The following GLRA3 variants were observed in gnomAD, a reference collection of about 807,000 sequenced individuals.
The protein encoded by GLRA3 is glycine receptor subunit alpha-3.
A neutral mutation model predicts 60.4 loss-of-function variants in GLRA3; 44 were observed. The ratio of observed to expected loss-of-function variants is 0.73; its 90% CI spans 0.57 to 0.94. GLRA3 has a LOEUF of 0.94. Among genes scored for constraint, GLRA3 ranks in the 40% least tolerant of loss-of-function variants. The pLI is 0.00. For synonymous variants in GLRA3, 223 were observed against 192.9 expected (o/e 1.16, Z -1.29); for missense variants, 508 against 564.6 (o/e 0.90, Z 1.02).
Position 174,665,394 on chromosome 4 carries a change from C to T in GLRA3, c.928-6197G>A, listed in dbSNP as rs556053519. Among the ~76,000 whole-genome samples, 3 of 152,134 alleles carry T rather than the reference C, an allele frequency of 2.0e-5. No individual in the cohort carries two copies. The East Asian group carries it at 5.8e-4, about 30-fold the overall frequency. The stretch of plus-strand genomic sequence containing the variant: ...ATAACGCATCTCAGCATCCCACTTC[C>T]ACTTTTTTCAAAGGTCACTCATTAC... On this transcript the variant is annotated intron_variant, in intron 7 of 9. Transcript: ENST00000274093.
Position 174,677,147 on chromosome 4 carries a change from T to A in GLRA3, c.858A>T (p.Val286=). ...TTAGCACAGTGGTTATCCCCAGAGC[T>A]ACCCTGGCCGGTGCTGCATCCATGT... ...WINMDAAPAR[V]ALGITTVLTM... The change falls in exon 7 of 10, where the codon GTA becomes GTT. Residue 286 remains valine (V), a synonymous_variant. Transcript: ENST00000274093. 1 of 1,613,654 alleles carries A rather than the reference T, an allele frequency of 6.2e-7. No homozygotes were observed. The highest frequency in any genetic ancestry group is 1.3e-5 in the African/African-American group (1 of 75,028).
chr4:174,786,225 A>G (rs984693146), intron 2 of GLRA3, among the ~76,000 whole-genome samples: 2 of 152,144 alleles, frequency 1.3e-5, no homozygotes, highest in Non-Finnish European at 2.9e-5. Context: ...TTGATGAGCT[A>G]ACTAGATTCC....
At chr4:174,687,235 A>G (rs1266966749) in intron 5 of GLRA3, among the ~76,000 whole-genome samples, 1 of 152,244 alleles carries the variant, frequency 6.6e-6, no homozygotes, top group African/African-American at 2.4e-5. Context: ...ATCCTTCATG[A>G]AACAGTAAAT....
intron 3 of GLRA3, among the ~76,000 whole-genome samples, chr4:174,750,359 T>C (rs1201187324): frequency 6.6e-6 from 1 of 152,106 alleles, no homozygotes; most frequent in African/African-American, 2.4e-5. Context: ...CAGGGGACTA[T>C]GCTGAATGAT....
intron 7 of GLRA3, among the ~76,000 whole-genome samples, chr4:174,669,812 G>C (rs1208009923): frequency 1.3e-5 from 2 of 152,142 alleles, no homozygotes; most frequent in African/African-American, 4.8e-5. Flanking sequence ...CTGGCCTCAA[G>C]CGATCCTCCC....
At position 174,672,106 on chromosome 4, in the gene GLRA3, G is replaced by T. The variant is rs192585517; in HGVS notation, c.927+4972C>A. On this transcript the variant is annotated intron_variant, in intron 7 of 9. Coordinates refer to ENST00000274093, the MANE Select transcript of GLRA3 (RefSeq NM_006529.4). ...ACAGGCTACCAGCTTCTGAGCTTCT[G>T]TAAAATATTTTATCAAAAAGCCATA... Among the ~76,000 whole-genome samples the T allele has an allele frequency of 1.2e-3, 185 of 152,224 alleles. 5 individuals carry two copies. The East Asian group carries it at 0.021, about 17-fold the overall frequency.
At chr4:174,804,660 A>C (rs1483685002) in intron 1 of GLRA3, among the ~76,000 whole-genome samples, 2 of 152,204 alleles carry the variant, frequency 1.3e-5, no homozygotes, top group South Asian at 4.1e-4. Context: ...TAGGACATGG[A>C]TACACCAGAA....
At chr4:174,767,207 C>A (rs1738179786) in intron 2 of GLRA3, among the ~76,000 whole-genome samples, 177 bp from the exon 3 acceptor site, 1 of 151,662 alleles carries the variant, frequency 6.6e-6, no homozygotes, top group South Asian at 2.1e-4. Flanking sequence ...TACTGAGAAT[C>A]ACAAGGTTCA....
chr4:174,748,866 A>G (rs1737349045), intron 3 of GLRA3, among the ~76,000 whole-genome samples: 1 of 138,378 alleles, frequency 7.2e-6, no homozygotes, highest in South Asian at 2.3e-4. Context: ...AATTAGAAAG[A>G]TAGAAAGATA....
Position 174,817,403 on chromosome 4 carries a change from T to C in GLRA3, c.71+11338A>G, listed in dbSNP as rs185187059. ...AGTTTTTCTTTTCCTTTCTTTCTTT[T>C]ACTCTTGAAAGGGAGAAAAATCTTT... is the stretch of plus-strand genomic sequence containing the variant. On this transcript the variant is annotated intron_variant, in intron 1 of 9. Coordinates refer to ENST00000274093, the MANE Select transcript of GLRA3 (RefSeq NM_006529.4). Among the ~76,000 whole-genome samples the C allele has an allele frequency of 3.7e-3, 568 of 152,308 alleles. 2 individuals carry two copies. The highest frequency in any genetic ancestry group is 0.013 in the African/African-American group (547 of 41,574).
chr4:174,811,167 CA>C (rs759001570), intron 1 of GLRA3, among the ~76,000 whole-genome samples: 46 of 142,998 alleles, frequency 3.2e-4, no homozygotes, highest in Non-Finnish European at 6.2e-4. Context: ...ACAGCATGCA[CA>C]AGGTACTTCC....
intron 1 of GLRA3, among the ~76,000 whole-genome samples, chr4:174,790,071 C>T (rs1739264667): frequency 6.6e-6 from 1 of 152,204 alleles, no homozygotes; most frequent in Non-Finnish European, 1.5e-5. Flanking sequence ...GTTTTAAAAT[C>T]TCATCAATCT....
chr4:174,703,638 T>A (rs1433334805), intron 5 of GLRA3, among the ~76,000 whole-genome samples: 1 of 152,182 alleles, frequency 6.6e-6, no homozygotes, highest in Non-Finnish European at 1.5e-5. Flanking sequence ...ATTCACAGAT[T>A]TGTGGTCTTC....
At chr4:174,764,413 A>G (rs1738057480) in intron 3 of GLRA3, among the ~76,000 whole-genome samples, 1 of 152,092 alleles carries the variant, frequency 6.6e-6, no homozygotes, top group Non-Finnish European at 1.5e-5. Flanking sequence ...TATTTTAAAT[A>G]TGAATTCTCA....
chr4:174,741,509 C>A (rs983471268), intron 3 of GLRA3, among the ~76,000 whole-genome samples: 4 of 152,030 alleles, frequency 2.6e-5, no homozygotes, highest in Non-Finnish European at 5.9e-5. Flanking sequence ...GATTGGCAAA[C>A]TTGTTTTTTC....
At position 174,762,630 on chromosome 4, in the gene GLRA3, C is replaced by T. The variant is rs557604476; in HGVS notation, c.267+4333G>A. 1.8e-4 allele frequency among the ~76,000 whole-genome samples: 27 copies of T among 152,214 alleles called. No individual in the cohort carries two copies. The South Asian group carries it at 5.4e-3, about 30-fold the overall frequency. ...TTAAAGCTTTTTGTCTAACTTCTAACGTTCTCACCTGTGATCACCAAATAG... is the reference window on the plus strand; with the variant it reads ...TTAAAGCTTTTTGTCTAACTTCTAATGTTCTCACCTGTGATCACCAAATAG... On this transcript the variant is annotated intron_variant, in intron 3 of 9. Transcript: ENST00000274093.
At chr4:174,770,837 A>G (rs1221786481) in intron 2 of GLRA3, among the ~76,000 whole-genome samples, 2 of 151,988 alleles carry the variant, frequency 1.3e-5, no homozygotes, top group Admixed American at 1.3e-4. Flanking sequence ...GGAGAGGAGT[A>G]AACTTAGTTT....
intron 3 of GLRA3, among the ~76,000 whole-genome samples, chr4:174,732,284 G>A (rs1736580905): frequency 6.6e-6 from 1 of 151,872 alleles, no homozygotes; most frequent in African/African-American, 2.4e-5. Context: ...GAACCCAGGA[G>A]GCGGAGCTTG....
Position 174,659,074 on chromosome 4 carries a change from G to A in GLRA3, c.1051C>T (p.Arg351Ter), listed in dbSNP as rs781425532. The change falls in exon 8 of 10, where the codon CGA becomes TGA. Residue 351 changes from arginine (R) to a stop codon, truncating the protein, a stop_gained. Coordinates refer to ENST00000274093, the MANE Select transcript of GLRA3 (RefSeq NM_006529.4). LOFTEE classifies it high-confidence loss of function. The part of the protein sequence containing the change: ...SRQHKELLRF[R>*]RKRKNKTEAF... ...CTTACCTTATTCTTTCTCTTTCGTC[G>A]AAATCTCAGAAGTTCTTTGTGTTGT... is the stretch of plus-strand genomic sequence containing the variant. The A allele has an allele frequency of 5.6e-6, 9 of 1,612,520 alleles. No homozygotes were observed. The highest frequency in any genetic ancestry group is 1.3e-5 in the African/African-American group (1 of 74,922).
Sources: allele counts gnomAD v4.1 joint callset (sites outside exome capture counted in the v4.1 genomes callset), GRCh38; gene constraint gnomAD v4.1.1; transcripts MANE v1.5; gene names NCBI Gene and HGNC (gene_info 2026-07-23, HGNC 2026-07-21).